ADARB2: variants seen among roughly 807,000 people sequenced by gnomAD.
The protein encoded by ADARB2 is adenosine deaminase RNA specific B2 (inactive).
A neutral mutation model predicts 62.2 loss-of-function variants in ADARB2; 25 were observed. The observed-to-expected ratio is 0.40, with a 90% CI of 0.29 to 0.56. The LOEUF (loss-of-function observed/expected upper bound fraction) is 0.56. ADARB2 is among the 20% of genes least tolerant of loss of function. ADARB2 has a pLI of 0.43. For synonymous variants in ADARB2, 572 were observed against 500.8 expected, an observed-to-expected ratio of 1.14 and a Z score of -1.90; for missense variants, 1,071 against 1,077.4, an observed-to-expected ratio of 0.99 and a Z score of 0.08.
chr10:1,366,930 G>T lies in ADARB2; in HGVS notation c.188-3013C>A, dbSNP rs78436835. On this transcript the variant is annotated intron_variant, in intron 2 of 9. Transcript: ENST00000381312. ...GTGGAAACTTGAGGCAATTTTTACA[G>T]CTAACCCACAACTTAGAAATAGAGG... 3.9e-3 allele frequency among the ~76,000 whole-genome samples: 601 copies of T among 152,312 alleles called. 25 individuals are homozygous for T. Among genetic ancestry groups the T allele is most frequent in the Admixed American group, 0.036 (545 of 15,308 alleles).
chr10:1,415,431 G>T (rs1410955152), intron 1 of ADARB2, among the ~76,000 whole-genome samples: 3 of 152,088 alleles, frequency 2.0e-5, no homozygotes, highest in African/African-American at 7.2e-5. Context: ...ATAGATGGTG[G>T]ATGAATGGAT....
rs139950901 is a variant in ADARB2 at position 1,666,362 on chromosome 10, G to A, written c.100+70689C>T. ...CTGGGCCGCAGCTCATCTGCGAGTC[G>A]GAGCCTCCGAAGGGGGGCCAGTAGC... On this transcript the variant is annotated intron_variant, in intron 1 of 9. Coordinates refer to ENST00000381312, the MANE Select transcript of ADARB2 (RefSeq NM_018702.4). 3.4e-3 allele frequency among the ~76,000 whole-genome samples: 513 copies of A among 152,340 alleles called. 4 individuals are homozygous for A. Among genetic ancestry groups the A allele is most frequent in the African/African-American group, 0.012 (483 of 41,572 alleles).
chr10:1,510,171 T>TCTTTCTTTCTTC (rs1831918452), intron 1 of ADARB2, among the ~76,000 whole-genome samples: 1 of 79,872 alleles, frequency 1.3e-5, no homozygotes, highest in Non-Finnish European at 2.7e-5. Context: ...TTTCTTTCTT[T>TCTTTCTTTCTTC]TTCTTTCTTT....
intron 4 of ADARB2, among the ~76,000 whole-genome samples, chr10:1,262,201 G>C (rs1364229208): frequency 6.9e-6 from 1 of 145,774 alleles, no homozygotes; most frequent in African/African-American, 2.7e-5. Context: ...TAGATGACGA[G>C]TTAGTGGGTG....
At chr10:1,609,038 C>G (rs531094112) in intron 1 of ADARB2, among the ~76,000 whole-genome samples, 1 of 152,128 alleles carries the variant, frequency 6.6e-6, no homozygotes, top group East Asian at 1.9e-4. Context: ...AAGAAGGACC[C>G]GAAACGCCCA....
At chr10:1,673,310 T>C (rs568579728) in intron 1 of ADARB2, among the ~76,000 whole-genome samples, 10 of 88,618 alleles carry the variant, frequency 1.1e-4, no homozygotes, top group Middle Eastern at 5.2e-3. Flanking sequence ...GTAGATTTCA[T>C]TTTATGTGTG....
chr10:1,245,114 G>A (rs937667207), intron 4 of ADARB2, among the ~76,000 whole-genome samples: 6 of 152,150 alleles, frequency 3.9e-5, no homozygotes, highest in Non-Finnish European at 7.3e-5. Flanking sequence ...CACTGGGTGG[G>A]AGGCTGGGGC....
intron 3 of ADARB2, among the ~76,000 whole-genome samples, chr10:1,277,524 G>A (rs1339540992): frequency 6.6e-6 from 1 of 152,090 alleles, no homozygotes; most frequent in Admixed American, 6.5e-5. Context: ...TAAATTCCTC[G>A]ACACATACAC....
intron 1 of ADARB2, among the ~76,000 whole-genome samples, chr10:1,594,516 G>A (rs565727549): frequency 6.6e-6 from 1 of 152,048 alleles, no homozygotes; most frequent in South Asian, 2.1e-4. Flanking sequence ...GGTGTTTGCC[G>A]TGAGCAGATG....
intron 1 of ADARB2, among the ~76,000 whole-genome samples, chr10:1,662,225 G>A (rs1834257585): frequency 6.6e-6 from 1 of 152,192 alleles, no homozygotes; most frequent in Non-Finnish European, 1.5e-5. Flanking sequence ...TAAAATCAGA[G>A]AGGTTTGGAG....
intron 1 of ADARB2, chr10:1,678,194 G>A (rs1357551171): frequency 1.6e-5 from 16 of 985,304 alleles, no homozygotes; most frequent in Middle Eastern, 5.2e-4. Context: ...CAATGCCACA[G>A]GACCTCAGGG....
At chr10:1,529,679 A>T (rs1378507435) in intron 1 of ADARB2, among the ~76,000 whole-genome samples, 2 of 152,182 alleles carry the variant, frequency 1.3e-5, no homozygotes, top group Non-Finnish European at 2.9e-5. Context: ...CCTGCAACTC[A>T]GTAGCTTCCA....
At chr10:1,408,038 A>C (rs1832721547) in intron 1 of ADARB2, among the ~76,000 whole-genome samples, 1 of 152,214 alleles carries the variant, frequency 6.6e-6, no homozygotes, top group South Asian at 2.1e-4. Context: ...TCACACTGTT[A>C]ATTATTTTGC....
intron 1 of ADARB2, among the ~76,000 whole-genome samples, chr10:1,661,068 C>T (rs1834240450): frequency 6.6e-6 from 1 of 152,130 alleles, no homozygotes. Context: ...CATTCCGAGC[C>T]TGCGATAAGC....
chr10:1,695,267 G>A (rs1220645187), intron 1 of ADARB2, among the ~76,000 whole-genome samples: 1 of 152,068 alleles, frequency 6.6e-6, no homozygotes, highest in South Asian at 2.1e-4. Flanking sequence ...CTGCAGAACC[G>A]ACCAGGCCCA....
rs974451802 is a variant in ADARB2 at position 1,426,045 on chromosome 10, C to T, written c.101-46885G>A. On this transcript the variant is annotated intron_variant, in intron 1 of 9. Coordinates refer to ENST00000381312, the MANE Select transcript of ADARB2 (RefSeq NM_018702.4). This position sits in a 1 kb window ranked among gnomAD's most constrained non-coding sequence, Gnocchi z 4.1. ...GAGGTTAGAGTTTCCTTCCTCGACT[C>T]AAGCAGTCATTCTGAGCATGTGGCA... Among the ~76,000 whole-genome samples the T allele has an allele frequency of 2.6e-5, 4 of 152,160 alleles. No individual in the cohort carries two copies. The highest frequency in any genetic ancestry group is 4.4e-5 in the Non-Finnish European group (3 of 68,026).
chr10:1,710,640 A>G (rs953667898), intron 1 of ADARB2, among the ~76,000 whole-genome samples: 2 of 152,234 alleles, frequency 1.3e-5, no homozygotes, highest in Non-Finnish European at 2.9e-5. Flanking sequence ...TGATCAGTTT[A>G]TCTGGGTTCA....
At chr10:1,705,530 CG>C (rs903435736) in intron 1 of ADARB2, among the ~76,000 whole-genome samples, 1 of 152,080 alleles carries the variant, frequency 6.6e-6, no homozygotes, top group African/African-American at 2.4e-5. Context: ...GGCAGCTGAG[CG>C]GGGGTTAATG....
chr10:1,413,950 T>A (rs1832780456), intron 1 of ADARB2, among the ~76,000 whole-genome samples: 1 of 152,202 alleles, frequency 6.6e-6, no homozygotes. Context: ...CACGGTGATG[T>A]CCTCTCAGTG....
Sources: allele counts gnomAD v4.1 joint callset (sites outside exome capture counted in the v4.1 genomes callset), GRCh38; gene constraint gnomAD v4.1.1; non-coding constraint Gnocchi (gnomAD v3.1); transcripts MANE v1.5; gene names NCBI Gene and HGNC (gene_info 2026-07-23, HGNC 2026-07-21).